TRAPPC12: variants seen among roughly 807,000 people sequenced by gnomAD.
The protein encoded by TRAPPC12 is trafficking protein particle complex subunit 12.
Under a neutral mutation model 69.2 loss-of-function variants are expected in TRAPPC12, and 61 were observed. The observed-to-expected ratio is 0.88, with a 90% CI of 0.72 to 1.09. The LOEUF (loss-of-function observed/expected upper bound fraction) is 1.09. Among genes scored for constraint, TRAPPC12 ranks in the 50% least tolerant of loss-of-function variants. The pLI is 0.00. For synonymous variants in TRAPPC12, 469 were observed against 438.9 expected, an observed-to-expected ratio of 1.07 and a Z score of -0.86; for missense variants, 1,101 against 1,016.4, an observed-to-expected ratio of 1.08 and a Z score of -1.13.
At chr2:3,385,896 T>C (rs1660466989) in intron 1 of TRAPPC12, among the ~76,000 whole-genome samples, 1 of 152,232 alleles carries the variant, frequency 6.6e-6, no homozygotes, top group Admixed American at 6.5e-5. Context: ...GGAGCAGCCT[T>C]ACCATGCACA....
At chr2:3,407,804 A>G (rs1422068922) in intron 3 of TRAPPC12, among the ~76,000 whole-genome samples, 4 of 152,038 alleles carry the variant, frequency 2.6e-5, no homozygotes, top group African/African-American at 9.7e-5. Context: ...TCAAAAAAAG[A>G]AAAAAAAGAA....
intron 5 of TRAPPC12, among the ~76,000 whole-genome samples, chr2:3,439,111 G>A (rs1572162891): frequency 6.6e-6 from 1 of 152,110 alleles, no homozygotes; most frequent in Non-Finnish European, 1.5e-5. Context: ...CCAGCTTTTG[G>A]TATTGTCATT....
intron 5 of TRAPPC12, among the ~76,000 whole-genome samples, chr2:3,440,912 A>G (rs116860514): frequency 1.3e-5 from 2 of 152,230 alleles, no homozygotes; most frequent in East Asian, 3.9e-4. Flanking sequence ...ATCTATTGAT[A>G]TGATTTTTGT....
At position 3,464,642 on chromosome 2, in the gene TRAPPC12, G is replaced by A. The variant is rs115090980; in HGVS notation, c.1678-955G>A. ...GTGCAGGGCCTGCCGCACACAGCTCGCTCAATAAATGCGGCGATCACTGTC... is the reference window on the plus strand; with the variant it reads ...GTGCAGGGCCTGCCGCACACAGCTCACTCAATAAATGCGGCGATCACTGTC... On this transcript the variant is annotated intron_variant, in intron 8 of 11. Coordinates refer to ENST00000324266, the MANE Select transcript of TRAPPC12 (RefSeq NM_016030.6). Among the ~76,000 whole-genome samples the A allele has an allele frequency of 3.2e-3, 480 of 152,356 alleles. 1 individual carries two copies. The highest frequency in any genetic ancestry group is 4.9e-3 in the Non-Finnish European group (332 of 68,042).
intron 2 of TRAPPC12, 86 bp downstream of exon 2, chr2:3,388,756 GGA>G: frequency 7.7e-7 from 1 of 1,296,202 alleles, no homozygotes; most frequent in Non-Finnish European, 1.0e-6. Flanking sequence ...GGATGGAGAA[GGA>G]GAAGGCCTTG....
intron 5 of TRAPPC12, among the ~76,000 whole-genome samples, chr2:3,435,805 G>A (rs79083907): frequency 0.02 from 3,061 of 152,140 alleles, 81 homozygotes; most frequent in Non-Finnish European, 0.022. Context: ...TCTAATGAGG[G>A]ACATTTTCCT....
intron 5 of TRAPPC12, among the ~76,000 whole-genome samples, chr2:3,425,775 A>G (rs1558373258): frequency 6.6e-6 from 1 of 152,236 alleles, no homozygotes; most frequent in Non-Finnish European, 1.5e-5. Flanking sequence ...CCAGTGGTAC[A>G]AGAGATGCAA....
intron 4 of TRAPPC12, among the ~76,000 whole-genome samples, chr2:3,423,377 T>G (rs1228902048): frequency 2.0e-5 from 3 of 152,012 alleles, no homozygotes; most frequent in African/African-American, 4.8e-5. Flanking sequence ...AAAATCTGTC[T>G]TAGCAATTTT....
intron 3 of TRAPPC12, among the ~76,000 whole-genome samples, chr2:3,420,584 G>A (rs527582985): frequency 3.3e-5 from 5 of 152,224 alleles, no homozygotes; most frequent in South Asian, 2.1e-4. Flanking sequence ...TCAGAACCCC[G>A]GAAGACACAA....
rs762118214 is a variant in TRAPPC12, at chr2:3,479,220, CCAA to C, written c.1975_1977del (p.Asn659del). ...CCCTGGGCGTGTGCTCCTCCCTAGGCCAACAACAACGCTGCCGTGTGTCTGCTC... is the reference window on the plus strand; with the variant it reads ...CCCTGGGCGTGTGCTCCTCCCTAGGCCAACAACGCTGCCGTGTGTCTGCTC... On this transcript the variant is annotated inframe_deletion and splice_region_variant, in exon 12 of 12. Transcript: ENST00000324266. The C allele has an allele frequency of 6.1e-5, 98 of 1,612,854 alleles. No homozygotes were observed. The highest frequency in any genetic ancestry group is 7.6e-5 in the Non-Finnish European group (90 of 1,179,162).
In TRAPPC12 at chr2:3,433,133, G is replaced by A. The variant is rs547753306; in HGVS notation, c.1417+8470G>A. 1.1e-3 allele frequency among the ~76,000 whole-genome samples: 171 copies of A among 152,228 alleles called. 4 individuals carry two copies. The South Asian group carries it at 0.033, about 30-fold the overall frequency. On this transcript the variant is annotated intron_variant, in intron 5 of 11. Transcript: ENST00000324266. ...TAAGTGTGACACTGTGTGCTTGGCC[G>A]GGCACAGACACCAAGCAGTATCCCC...
intron 9 of TRAPPC12, among the ~76,000 whole-genome samples, chr2:3,469,175 C>G (rs1181438288): frequency 1.3e-5 from 2 of 152,194 alleles, no homozygotes; most frequent in Non-Finnish European, 2.9e-5. Context: ...TTTTCCAGCT[C>G]TTGCAGTGTT....
rs752446613 is a variant in TRAPPC12 at position 3,388,453 on chromosome 2, C to A, written c.830C>A (p.Pro277Gln). The A allele has an allele frequency of 6.2e-7, 1 of 1,611,126 alleles. No individual in the cohort carries two copies. Among genetic ancestry groups the A allele is most frequent in the Non-Finnish European group, 8.5e-7 (1 of 1,179,170 alleles). The change falls in exon 2 of 12, where the codon CCA becomes CAA. Residue 277 changes from proline to glutamine, a missense_variant. Pro to Gln is a moderately conservative substitution (Grantham distance 76, BLOSUM62 -1). Coordinates refer to ENST00000324266, the MANE Select transcript of TRAPPC12 (RefSeq NM_016030.6). The stretch of plus-strand genomic sequence containing the variant: ...CAGGCAGCTGCGCCCCCGGCGTCGC[C>A]AGAGCCTTTCGCGCACATCCAGGCA... ...GPQAAAPPAS[P>Q]EPFAHIQAVF...
intron 2 of TRAPPC12, among the ~76,000 whole-genome samples, chr2:3,397,767 C>CT (rs1342072374): frequency 1.3e-5 from 2 of 152,192 alleles, no homozygotes; most frequent in Non-Finnish European, 2.9e-5. Flanking sequence ...CACTCTCACA[C>CT]TTTCTCTGTC....
intron 9 of TRAPPC12, among the ~76,000 whole-genome samples, chr2:3,468,624 G>C (rs1215935925): frequency 6.6e-6 from 1 of 152,286 alleles, no homozygotes; most frequent in East Asian, 1.9e-4. Flanking sequence ...GGCATTCCCA[G>C]GTCTCAGCAA....
At chr2:3,395,453 G>A (rs1661074912) in intron 2 of TRAPPC12, among the ~76,000 whole-genome samples, 1 of 145,782 alleles carries the variant, frequency 6.9e-6, no homozygotes, top group East Asian at 2.0e-4. Context: ...TCTATGTCTT[G>A]TTTTTGCAAT....
At chr2:3,432,429 A>G (rs1455098558) in intron 5 of TRAPPC12, among the ~76,000 whole-genome samples, 1 of 152,224 alleles carries the variant, frequency 6.6e-6, no homozygotes, top group Non-Finnish European at 1.5e-5. Flanking sequence ...TGAAATTCAC[A>G]TTTTGAGTTC....
intron 2 of TRAPPC12, among the ~76,000 whole-genome samples, chr2:3,395,168 T>C (rs1186991046): frequency 6.6e-6 from 1 of 152,246 alleles, no homozygotes; most frequent in Non-Finnish European, 1.5e-5. Context: ...AATTATTTTG[T>C]ATCCATGGTA....
At position 3,478,934 on chromosome 2, in the gene TRAPPC12, G is replaced by T; in HGVS notation, c.1965+1G>T. 1 of 1,613,690 alleles carries T rather than the reference G, an allele frequency of 6.2e-7. No homozygotes were observed. Among genetic ancestry groups the T allele is most frequent in the Non-Finnish European group, 8.5e-7 (1 of 1,179,712 alleles). ...AAGGATGGATCCAAGAAACGCAGTG[G>T]TAAGATCCCCAAGCTGCAGGATCCT... is the stretch of plus-strand genomic sequence containing the variant. On this transcript the variant is annotated splice_donor_variant, in intron 11 of 11. Coordinates refer to ENST00000324266, the MANE Select transcript of TRAPPC12 (RefSeq NM_016030.6). LOFTEE classifies it high-confidence loss of function.
Sources: allele counts gnomAD v4.1 joint callset (sites outside exome capture counted in the v4.1 genomes callset), GRCh38; gene constraint gnomAD v4.1.1; transcripts MANE v1.5; gene names NCBI Gene and HGNC (gene_info 2026-07-23, HGNC 2026-07-21).